Variants in TMPRSS15 observed in about 807,000 individuals in gnomAD.
TMPRSS15 encodes transmembrane serine protease 15.
Under a neutral mutation model 125.3 loss-of-function variants are expected in TMPRSS15, and 128 were observed. That is an observed-to-expected ratio of 1.02 (90% confidence interval 0.89 to 1.18). The LOEUF (loss-of-function observed/expected upper bound fraction) is 1.18. Ranked by LOEUF, TMPRSS15 falls within the 50% of genes most tolerant of loss-of-function variation. The probability of loss-of-function intolerance (pLI) is 0.00; values close to 1 mark genes in which losing one functional copy is unlikely to be tolerated. For synonymous variants in TMPRSS15, 446 were observed against 423.2 expected (o/e 1.05, Z -0.66); for missense variants, 1,283 against 1,212.7 (o/e 1.06, Z -0.86).
intron 19 of TMPRSS15, among the ~76,000 whole-genome samples, 174 bp downstream of exon 19, chr21:18,297,560 G>A (rs1322706108): frequency 5.3e-5 from 8 of 152,162 alleles, no homozygotes; most frequent in African/African-American, 1.9e-4. Context: ...GTTAGAAACT[G>A]TTATCAGATA....
intron 1 of TMPRSS15, among the ~76,000 whole-genome samples, chr21:18,463,875 G>A (rs1216609721): frequency 6.6e-6 from 1 of 151,936 alleles, no homozygotes. Flanking sequence ...AAATAAGGCA[G>A]AAATAAAGAA....
chr21:18,436,119 G>GTCTCTAT (rs2076227377), intron 1 of TMPRSS15, among the ~76,000 whole-genome samples: 2 of 151,092 alleles, frequency 1.3e-5, no homozygotes, highest in African/African-American at 4.9e-5. Context: ...GGTTTTTTGT[G>GTCTCTAT]TCTCTATTTC....
intron 5 of TMPRSS15, among the ~76,000 whole-genome samples, chr21:18,372,547 A>G (rs552450557): frequency 6.6e-6 from 1 of 152,350 alleles, no homozygotes; most frequent in East Asian, 1.9e-4. Context: ...CATCATCTGC[A>G]ACATCTAGCA....
chr21:18,475,999 G>A (rs956092568), intron 1 of TMPRSS15, among the ~76,000 whole-genome samples: 3 of 152,132 alleles, frequency 2.0e-5, no homozygotes, highest in Admixed American at 6.6e-5. Context: ...CAGGCTGGGT[G>A]ATGCAGAATA....
chr21:18,365,780 G>C (rs901768111), intron 6 of TMPRSS15, among the ~76,000 whole-genome samples: 10 of 96,836 alleles, frequency 1.0e-4, no homozygotes, highest in African/African-American at 4.0e-4. Context: ...TTTCGCTCTT[G>C]TTGCGTGTGC....
intron 12 of TMPRSS15, among the ~76,000 whole-genome samples, chr21:18,341,850 GTCATAT>G (rs2075449606): frequency 6.6e-6 from 1 of 152,052 alleles, no homozygotes; most frequent in Non-Finnish European, 1.5e-5. Context: ...TTATGATATT[GTCATAT>G]TCCATTGTAC....
chr21:18,476,070 T>C (rs1415534974), intron 1 of TMPRSS15, among the ~76,000 whole-genome samples: 12 of 152,210 alleles, frequency 7.9e-5, no homozygotes, highest in Admixed American at 7.9e-4. Flanking sequence ...AAAGAAGTGT[T>C]TGACATAATA....
At chr21:18,312,643 T>TA (rs1169072509) in intron 18 of TMPRSS15, among the ~76,000 whole-genome samples, 1 of 151,714 alleles carries the variant, frequency 6.6e-6, no homozygotes, top group African/African-American at 2.4e-5. Flanking sequence ...AATATTTCAT[T>TA]AAAAAATCAT....
At chr21:18,280,765 T>C (rs2074688897) in intron 22 of TMPRSS15, among the ~76,000 whole-genome samples, 1 of 152,120 alleles carries the variant, frequency 6.6e-6, no homozygotes, top group Non-Finnish European at 1.5e-5. Context: ...AATAACATCA[T>C]CTATTTATCT....
chr21:18,298,127 T>C (rs2074927648), intron 18 of TMPRSS15, among the ~76,000 whole-genome samples: 1 of 152,236 alleles, frequency 6.6e-6, no homozygotes, highest in Non-Finnish European at 1.5e-5. Context: ...TATCACTTAG[T>C]TACCTGTTTT....
In TMPRSS15 at chr21:18,336,189, C is replaced by A. The variant is rs1251739097; in HGVS notation, c.1565-4016G>T. On this transcript the variant is annotated intron_variant, in intron 13 of 24. Coordinates refer to ENST00000284885, the MANE Select transcript of TMPRSS15 (RefSeq NM_002772.3). ...AGGGGTGGAAAAGAGAAGAGCCTAG[C>A]TTTCATCTACAATAAGAGGGTTTTA... Among the ~76,000 whole-genome samples the A allele has an allele frequency of 3.3e-5, 5 of 151,948 alleles. No homozygotes were observed. In the East Asian group the frequency reaches 9.7e-4, roughly 29 times the overall value.
intron 6 of TMPRSS15, among the ~76,000 whole-genome samples, chr21:18,370,628 C>T (rs943023319): frequency 5.3e-5 from 8 of 152,010 alleles, no homozygotes; most frequent in Non-Finnish European, 1.2e-4. Context: ...AAAAATATTC[C>T]GCAGCCTGCA....
At chr21:18,355,265 T>C (rs1010367360) in intron 8 of TMPRSS15, among the ~76,000 whole-genome samples, 19 of 151,812 alleles carry the variant, frequency 1.3e-4, no homozygotes, top group African/African-American at 3.6e-4. Flanking sequence ...TGGAATTCTC[T>C]TGGACAATGG....
At chr21:18,300,969 A>G (rs1027854844) in intron 18 of TMPRSS15, among the ~76,000 whole-genome samples, 4 of 152,186 alleles carry the variant, frequency 2.6e-5, no homozygotes, top group Admixed American at 6.5e-5. Context: ...ACACATGGAT[A>G]AAAGATGTGT....
chr21:18,392,455 C>T (rs2075998781), intron 3 of TMPRSS15, among the ~76,000 whole-genome samples: 1 of 152,158 alleles, frequency 6.6e-6, no homozygotes, highest in Non-Finnish European at 1.5e-5. Context: ...AGTTCCTGAT[C>T]TCCATCTGAG....
At chr21:18,371,458 T>TAA (rs2075791221) in intron 6 of TMPRSS15, among the ~76,000 whole-genome samples, 1 of 152,176 alleles carries the variant, frequency 6.6e-6, no homozygotes. Context: ...AATCCAGCTA[T>TAA]GAAATGAAGA....
At chr21:18,469,772 T>G (rs533704825) in intron 1 of TMPRSS15, among the ~76,000 whole-genome samples, 1 of 152,090 alleles carries the variant, frequency 6.6e-6, no homozygotes, top group Non-Finnish European at 1.5e-5. Flanking sequence ...TAATTCACCC[T>G]ATTTCTGTTG....
intron 1 of TMPRSS15, 85 bp downstream of exon 1, chr21:18,403,393 A>G: frequency 5.1e-6 from 8 of 1,578,782 alleles, no homozygotes; most frequent in Admixed American, 3.3e-5. Flanking sequence ...TTGGCAATGA[A>G]TAAAATAGAC....
At chr21:18,299,020 A>C in intron 18 of TMPRSS15, among the ~76,000 whole-genome samples, 1 of 152,252 alleles carries the variant, frequency 6.6e-6, no homozygotes. Context: ...TTAATGTTCC[A>C]GAATTTAAAT....
Sources: gnomAD v4.1 joint callset for allele counts (sites outside exome capture counted in the v4.1 genomes callset) on GRCh38, gnomAD v4.1.1 for gene constraint, MANE v1.5 for transcripts, NCBI Gene and HGNC (gene_info 2026-07-23, HGNC 2026-07-21) for gene names.